The following PTPRD variants were observed in gnomAD, a reference collection of about 807,000 sequenced individuals.
PTPRD encodes the protein receptor-type tyrosine-protein phosphatase delta.
In PTPRD, 34 loss-of-function variants were observed where a neutral mutation model predicts 214.5. The observed-to-expected ratio is 0.16, with a 90% CI of 0.12 to 0.21. The LOEUF (loss-of-function observed/expected upper bound fraction) is 0.21. Ranked by LOEUF, PTPRD falls within the 10% of genes least tolerant of loss-of-function variation. PTPRD has a pLI of 1.00. For missense variants in PTPRD, 2,545 were observed against 2,398.7 expected (o/e 1.06, Z -1.27); for synonymous variants, 1,128 against 845.7 (o/e 1.33, Z -5.79).
At chr9:9,693,501 C>A (rs1226498345) in intron 7 of PTPRD, among the ~76,000 whole-genome samples, 1 of 152,116 alleles carries the variant, frequency 6.6e-6, no homozygotes, top group Admixed American at 6.6e-5. Context: ...TTCTTTATGA[C>A]TTACTCAGTC....
intron 2 of PTPRD, among the ~76,000 whole-genome samples, chr9:10,484,422 T>C (rs1267112684): frequency 1.3e-5 from 2 of 152,066 alleles, no homozygotes; most frequent in Non-Finnish European, 2.9e-5. Flanking sequence ...AAAAACCACT[T>C]GCAATCCTAA....
chr9:8,501,046 A>G lies in PTPRD; in HGVS notation c.1836T>C (p.Pro612=), dbSNP rs1182574203. 5 of 1,612,298 alleles carry G rather than the reference A, an allele frequency of 3.1e-6. No homozygotes were observed. In the African/African-American group the frequency reaches 5.3e-5, roughly 17 times the overall value. ...GGCTGGTGCAACTAATGTCTTGAGG[A>G]GGAGCTGACGGCTCTTATTTTGGTA... The part of the protein sequence containing the change: ...ARTMQSKPSA[P]PQDISCTSPS... Residue 612 remains proline, a synonymous_variant, in exon 24 of 46, where the codon CCT becomes CCC. Transcript: ENST00000381196.
In PTPRD at chr9:10,496,420, A is replaced by G. The variant is rs112441428; in HGVS notation, c.-600+115978T>C. On this transcript the variant is annotated intron_variant, in intron 2 of 45. Transcript: ENST00000381196. ...ATTTATTAAATCATTTATTTATTAA[A>G]CTATTTAGCAGCTAATTTATTAAAT... Among the ~76,000 whole-genome samples, 871 of 140,572 alleles carry G rather than the reference A, an allele frequency of 6.2e-3. 6 individuals are homozygous for G. The highest frequency in any genetic ancestry group is 0.021 in the African/African-American group (840 of 39,944). 92.2% of individuals were successfully genotyped at this position (140,572 alleles called of 152,430 possible).
chr9:8,466,230 T>C (rs1020210693), intron 31 of PTPRD, among the ~76,000 whole-genome samples: 4 of 151,906 alleles, frequency 2.6e-5, no homozygotes, highest in African/African-American at 9.7e-5. Flanking sequence ...ATAGACATTG[T>C]TACTCATTTA....
chr9:9,532,764 C>T (rs1293471995), intron 8 of PTPRD, among the ~76,000 whole-genome samples: 1 of 152,106 alleles, frequency 6.6e-6, no homozygotes, highest in Non-Finnish European at 1.5e-5. Flanking sequence ...TCCCAGTCTT[C>T]CATCCCAGAA....
At chr9:8,331,043 C>G (rs1018362920) in intron 44 of PTPRD, among the ~76,000 whole-genome samples, 1 of 147,028 alleles carries the variant, frequency 6.8e-6, no homozygotes, top group Non-Finnish European at 1.5e-5. Flanking sequence ...TTATAAAATG[C>G]TCTAGAAACT....
At chr9:8,969,133 G>T (rs982155145) in intron 11 of PTPRD, among the ~76,000 whole-genome samples, 16 of 152,000 alleles carry the variant, frequency 1.1e-4, no homozygotes, top group African/African-American at 3.6e-4. Flanking sequence ...ATAATGAAAT[G>T]ATGCCCAAAT....
At chr9:8,713,589 G>A (rs1446751849) in intron 12 of PTPRD, 15 of 1,522,860 alleles carry the variant, frequency 9.8e-6, no homozygotes, top group African/African-American at 2.7e-5. Context: ...CCCACAACAT[G>A]TACCGGGAAT....
chr9:9,599,295 G>A (rs2093588380), intron 7 of PTPRD, among the ~76,000 whole-genome samples: 1 of 152,068 alleles, frequency 6.6e-6, no homozygotes, highest in African/African-American at 2.4e-5. Context: ...GGGAGACTCA[G>A]CCTTAGAAAG....
intron 10 of PTPRD, among the ~76,000 whole-genome samples, chr9:9,095,491 A>G (rs1226521193): frequency 1.3e-5 from 2 of 152,184 alleles, no homozygotes; most frequent in Non-Finnish European, 2.9e-5. Flanking sequence ...TTTGTAGTAT[A>G]TTAAAAATAT....
At chr9:10,129,865 G>C (rs1172780860) in intron 3 of PTPRD, among the ~76,000 whole-genome samples, 1 of 151,888 alleles carries the variant, frequency 6.6e-6, no homozygotes, top group African/African-American at 2.4e-5. Context: ...CATCATCAGA[G>C]AAAACATCTA....
intron 35 of PTPRD, 140 bp downstream of exon 35, chr9:8,436,452 G>T: frequency 3.4e-6 from 2 of 591,192 alleles, no homozygotes; most frequent in Non-Finnish European, 5.7e-6. Flanking sequence ...TTAAGTTGAC[G>T]GTTCATTATA....
chr9:9,419,251 C>A (rs2077960698), intron 8 of PTPRD, among the ~76,000 whole-genome samples: 1 of 81,046 alleles, frequency 1.2e-5, no homozygotes, highest in Non-Finnish European at 2.7e-5. Context: ...TGAAGACAGT[C>A]TCATTGTAAG....
At chr9:9,743,788 A>C (rs1363551504) in intron 6 of PTPRD, among the ~76,000 whole-genome samples, 2 of 139,660 alleles carry the variant, frequency 1.4e-5, no homozygotes, top group Non-Finnish European at 3.1e-5. Flanking sequence ...CTGACTGTAT[A>C]AATTTCCCTC....
At chr9:9,663,214 A>G (rs2096653141) in intron 7 of PTPRD, among the ~76,000 whole-genome samples, 1 of 151,430 alleles carries the variant, frequency 6.6e-6, no homozygotes. Flanking sequence ...TAATCTCCAC[A>G]TTACTCAGTA....
chr9:8,953,696 C>T (rs1464125874), intron 11 of PTPRD, among the ~76,000 whole-genome samples: 1 of 151,912 alleles, frequency 6.6e-6, no homozygotes, highest in Non-Finnish European at 1.5e-5. Context: ...AAGATATGAA[C>T]AGACACTTCT....
intron 11 of PTPRD, among the ~76,000 whole-genome samples, chr9:8,903,984 A>G (rs1274009620): frequency 6.6e-6 from 1 of 152,200 alleles, no homozygotes; most frequent in Non-Finnish European, 1.5e-5. Flanking sequence ...CATGTGGAAT[A>G]TATTATGATA....
chr9:9,564,574 G>C (rs1450866173), intron 8 of PTPRD, among the ~76,000 whole-genome samples: 1 of 151,904 alleles, frequency 6.6e-6, no homozygotes, highest in Non-Finnish European at 1.5e-5. Context: ...GAGAACCTTT[G>C]GGTTGGAGCT....
intron 3 of PTPRD, among the ~76,000 whole-genome samples, chr9:10,234,389 A>T (rs2099622318): frequency 1.3e-5 from 2 of 151,876 alleles, no homozygotes; most frequent in South Asian, 4.1e-4. Flanking sequence ...CCAAAAGTTA[A>T]TATTGTTTTT....
Sources: gnomAD v4.1 joint callset for allele counts (sites outside exome capture counted in the v4.1 genomes callset) on GRCh38, gnomAD v4.1.1 for gene constraint, MANE v1.5 for transcripts, NCBI Gene and HGNC (gene_info 2026-07-23, HGNC 2026-07-21) for gene names.